FEM1C: variants seen among roughly 807,000 people sequenced by gnomAD.
FEM1C encodes the protein protein fem-1 homolog C.
A neutral mutation model predicts 37.6 loss-of-function variants in FEM1C; 15 were observed. The ratio of observed to expected loss-of-function variants is 0.40; its 90% confidence interval spans 0.27 to 0.61. FEM1C has a LOEUF of 0.61. Ranked by LOEUF, FEM1C falls within the 20% of genes least tolerant of loss-of-function variation. The pLI is 0.42. For missense variants in FEM1C, 532 were observed against 749.7 expected (o/e 0.71, Z 3.39); for synonymous variants, 287 against 272.8 (o/e 1.05, Z -0.51).
In FEM1C at chr5:115,543,668, C is replaced by T; in HGVS notation, c.-175G>A. 7.3e-7 allele frequency: 1 copy of T among 1,363,640 alleles called. No homozygotes were observed. Among genetic ancestry groups the T allele is most frequent in the Non-Finnish European group, 9.4e-7 (1 of 1,063,038 alleles). 84.5% of individuals were successfully genotyped at this position (1,363,640 alleles called of 1,614,324 possible). Reference sequence around the variant, plus strand: ...CGTCCTACTGCTTTCCAACATCTGACAACCAGGGCACCAAACTAGAGAAAG... The same window carrying T: ...CGTCCTACTGCTTTCCAACATCTGATAACCAGGGCACCAAACTAGAGAAAG... On this transcript the variant is annotated 5_prime_UTR_variant, in exon 2 of 3. Coordinates refer to ENST00000274457, the MANE Select transcript of FEM1C (RefSeq NM_020177.3).
At chr5:115,540,497 G>GA (rs36043124) in intron 2 of FEM1C, among the ~76,000 whole-genome samples, 1 of 151,826 alleles carries the variant, frequency 6.6e-6, no homozygotes, top group Non-Finnish European at 1.5e-5. Flanking sequence ...TGATACTGGG[G>GA]AAAAAAATGA....
At chr5:115,541,336 GA>G (rs535042358) in intron 2 of FEM1C, among the ~76,000 whole-genome samples, 2,166 of 150,866 alleles carry the variant, frequency 0.014, 24 homozygotes, top group Middle Eastern at 0.027. Context: ...ACTTCCTCTG[GA>G]AAAAAAAATT....
intron 2 of FEM1C, among the ~76,000 whole-genome samples, chr5:115,534,448 G>C (rs1713811546): frequency 6.6e-6 from 1 of 151,680 alleles, no homozygotes; most frequent in Admixed American, 6.6e-5. Flanking sequence ...GAATTATCTG[G>C]GTCCAAACCA....
At chr5:115,544,405 T>A (rs1414809240) in intron 1 of FEM1C, 118 bp downstream of exon 1, 5 of 155,540 alleles carry the variant, frequency 3.2e-5, no homozygotes, top group Non-Finnish European at 5.6e-5. Context: ...GGCCAAGCTG[T>A]GGCCTCCAGC....
Position 115,524,888 on chromosome 5 carries a change from G to C in FEM1C, c.1274C>G (p.Ala425Gly). Residue 425 changes from alanine to glycine, a missense_variant, in exon 3 of 3, where the codon GCT becomes GGT. Physicochemically the swap from Ala to Gly is moderately conservative, Grantham distance 60. Around this residue, in one of 3 missense-constraint regions of FEM1C, gnomAD observed 237 missense variants for 260.5 expected, o/e 0.91. Coordinates refer to ENST00000274457, the MANE Select transcript of FEM1C (RefSeq NM_020177.3). ...LCKSVLEIER[A>G]IKQTQCPADP... ...AGCTGGACACTGAGTTTGTTTGATA[G>C]CTCGCTCTATTTCAAGGACGCTTTT... 1 of 1,613,728 alleles carries C rather than the reference G, an allele frequency of 6.2e-7. No individual in the cohort carries two copies. Among genetic ancestry groups the C allele is most frequent in the Non-Finnish European group, 8.5e-7 (1 of 1,179,810 alleles).
chr5:115,540,805 A>C (rs1032149751), intron 2 of FEM1C, among the ~76,000 whole-genome samples: 8 of 152,124 alleles, frequency 5.3e-5, no homozygotes, highest in African/African-American at 1.9e-4. Flanking sequence ...AATTTGACTT[A>C]AATATGAGTT....
intron 1 of FEM1C, chr5:115,544,261 C>G (rs1184824498): frequency 5.0e-6 from 4 of 801,522 alleles, no homozygotes; most frequent in Non-Finnish European, 6.0e-6. Flanking sequence ...TCGATCACCC[C>G]CCACCCCCCG....
In FEM1C at chr5:115,536,058, C is replaced by T. The variant is rs542385817; in HGVS notation, c.544+6892G>A. Among the ~76,000 whole-genome samples the T allele has an allele frequency of 5.3e-5, 8 of 151,928 alleles. No individual in the cohort carries two copies. In the East Asian group the frequency reaches 1.5e-3, roughly 29 times the overall value. ...GATTACTGGTTGCCTAAGACTAGTGCAGTTTCAGGGGAATGAGGAGGGATA... is the reference window on the plus strand; with the variant it reads ...GATTACTGGTTGCCTAAGACTAGTGTAGTTTCAGGGGAATGAGGAGGGATA... On this transcript the variant is annotated intron_variant, in intron 2 of 2. Coordinates refer to ENST00000274457, the MANE Select transcript of FEM1C (RefSeq NM_020177.3).
chr5:115,533,472 A>G (rs1754058705), intron 2 of FEM1C, among the ~76,000 whole-genome samples: 1 of 152,068 alleles, frequency 6.6e-6, no homozygotes, highest in African/African-American at 2.4e-5. Context: ...GTGAGTTACC[A>G]GGGTCTTGTG....
At chr5:115,525,703 G>A in intron 2 of FEM1C, 86 bp from the exon 3 acceptor site, 1 of 1,089,892 alleles carries the variant, frequency 9.2e-7, no homozygotes, top group Non-Finnish European at 1.3e-6. Context: ...AGAACCTAAA[G>A]AAAAGCAGGA....
chr5:115,529,820 C>G (rs1384800296), intron 2 of FEM1C, among the ~76,000 whole-genome samples: 1 of 151,760 alleles, frequency 6.6e-6, no homozygotes, highest in Non-Finnish European at 1.5e-5. Context: ...GTAATGCTAT[C>G]TAGAATAACT....
Position 115,533,363 on chromosome 5 carries a change from C to T in FEM1C, c.545-7746G>A, listed in dbSNP as rs547569206. 1.4e-3 allele frequency among the ~76,000 whole-genome samples: 208 copies of T among 151,756 alleles called. 4 individuals are homozygous for T. The South Asian group carries it at 0.042, about 30-fold the overall frequency. On this transcript the variant is annotated intron_variant, in intron 2 of 2. Coordinates refer to ENST00000274457, the MANE Select transcript of FEM1C (RefSeq NM_020177.3). Reference sequence around the variant, plus strand: ...ATGATAACCAGTTTGTTAAATTTACCGTAAATATTTTGCTATGTCAGTTTT... The same window carrying T: ...ATGATAACCAGTTTGTTAAATTTACTGTAAATATTTTGCTATGTCAGTTTT...
chr5:115,522,939 G>A lies in FEM1C; in HGVS notation c.*1369C>T, dbSNP rs1395520528. On this transcript the variant is annotated 3_prime_UTR_variant, in exon 3 of 3. Transcript: ENST00000274457. ...GGCATTAGCAAATCTGTGAGTGAGT[G>A]AGTGAGAGAGAGAGAGAGAGAGAAA... 1 of 151,934 alleles carries A rather than the reference G, an allele frequency of 6.6e-6. No homozygotes were observed. Among genetic ancestry groups the A allele is most frequent in the Non-Finnish European group, 1.5e-5 (1 of 67,760 alleles). The allele number at this position is 151,934 out of a possible 1,614,324, so 9.4% of individuals were successfully genotyped here.
Position 115,521,233 on chromosome 5 carries a change from T to A in FEM1C, c.*3075A>T, listed in dbSNP as rs990276281. 3.3e-5 allele frequency: 5 copies of A among 151,722 alleles called. No individual in the cohort carries two copies. Among genetic ancestry groups the A allele is most frequent in the African/African-American group, 1.2e-4 (5 of 41,402 alleles). 9.4% of individuals were successfully genotyped at this position (151,722 alleles called of 1,614,324 possible). On this transcript the variant is annotated 3_prime_UTR_variant, in exon 3 of 3. Transcript: ENST00000274457. The stretch of plus-strand genomic sequence containing the variant: ...CATTATCTCATCCAGCCTGCACAAT[T>A]CTAAGAAAATTAATTACAAAAATTA...
At chr5:115,528,418 G>A (rs539354581) in intron 2 of FEM1C, among the ~76,000 whole-genome samples, 31 of 152,216 alleles carry the variant, frequency 2.0e-4, no homozygotes, top group Admixed American at 6.5e-4. Flanking sequence ...GGGAAAAGTG[G>A]AGCCTACAGC....
At position 115,543,501 on chromosome 5, in the gene FEM1C, C is replaced by A; in HGVS notation, c.-8G>T. On this transcript the variant is annotated 5_prime_UTR_variant, in exon 2 of 3. Transcript: ENST00000274457. ...TGCTGTCTTTAGATCCATTTATGTCCAGTTGAGAGGCTGTGCTTTATTTAT... is the reference window on the plus strand; with the variant it reads ...TGCTGTCTTTAGATCCATTTATGTCAAGTTGAGAGGCTGTGCTTTATTTAT... The A allele has an allele frequency of 6.3e-7, 1 of 1,595,054 alleles. No individual in the cohort carries two copies. Among genetic ancestry groups the A allele is most frequent in the Non-Finnish European group, 8.5e-7 (1 of 1,173,244 alleles).
At chr5:115,538,669 C>A (rs1580384611) in intron 2 of FEM1C, among the ~76,000 whole-genome samples, 1 of 152,010 alleles carries the variant, frequency 6.6e-6, no homozygotes, top group East Asian at 1.9e-4. Flanking sequence ...AAAACTTTTA[C>A]TGGCATGAAA....
chr5:115,530,050 G>C (rs1331848804), intron 2 of FEM1C, among the ~76,000 whole-genome samples: 1 of 151,800 alleles, frequency 6.6e-6, no homozygotes, highest in Admixed American at 6.6e-5. Flanking sequence ...TTAAAAGACA[G>C]AAACTGTCAG....
intron 2 of FEM1C, among the ~76,000 whole-genome samples, chr5:115,533,405 G>C (rs934720577): frequency 6.6e-6 from 1 of 151,942 alleles, no homozygotes; most frequent in Non-Finnish European, 1.5e-5. Context: ...TGCTAGATAT[G>C]CTATAAGTAT....
Sources: allele counts gnomAD v4.1 joint callset (sites outside exome capture counted in the v4.1 genomes callset), GRCh38; gene constraint gnomAD v4.1.1; regional missense constraint gnomAD v4.1.1; transcripts MANE v1.5; gene names NCBI Gene and HGNC (gene_info 2026-07-23, HGNC 2026-07-21).